The following EML1 variants were observed in gnomAD, a reference collection of about 807,000 sequenced individuals.
The protein encoded by EML1 is EMAP like 1, also known as echinoderm microtubule-associated protein-like 1.
In EML1, 27 loss-of-function variants were observed where a neutral mutation model predicts 110.4. The observed-to-expected ratio is 0.24, with a 90% CI of 0.18 to 0.34. The LOEUF (loss-of-function observed/expected upper bound fraction) is 0.34. Among genes scored for constraint, EML1 ranks in the 10% least tolerant of loss-of-function variants. The pLI is 1.00. For missense variants in EML1, 741 were observed against 1,030.9 expected (o/e 0.72, Z 3.85); for synonymous variants, 344 against 385.8 (o/e 0.89, Z 1.27).
chr14:99,896,160 G>GA (rs963614369), intron 6 of EML1, among the ~76,000 whole-genome samples: 11 of 150,310 alleles, frequency 7.3e-5, no homozygotes, highest in Non-Finnish European at 1.0e-4. Context: ...GATTTTAAGG[G>GA]AAAAAAAAAA....
chr14:99,911,730 G>A, intron 13 of EML1, 154 bp downstream of exon 13: 2 of 829,226 alleles, frequency 2.4e-6, no homozygotes, highest in Non-Finnish European at 3.6e-6. Context: ...TCCTGAGGCA[G>A]GTTAAATATA....
chr14:99,880,569 T>C (rs1429649707), intron 4 of EML1, among the ~76,000 whole-genome samples: 3 of 152,160 alleles, frequency 2.0e-5, no homozygotes, highest in Non-Finnish European at 4.4e-5. Context: ...CATTACTGCG[T>C]TCAGTGGACT....
chr14:99,928,073 G>A (rs796179100), intron 17 of EML1, among the ~76,000 whole-genome samples: 1 of 4,380 alleles, frequency 2.3e-4, no homozygotes, highest in South Asian at 0.029. Flanking sequence ...TGGTGGTGGT[G>A]GTGGTGGTGA....
intron 1 of EML1, among the ~76,000 whole-genome samples, chr14:99,777,427 G>A (rs1484561280): frequency 6.6e-6 from 1 of 151,706 alleles, no homozygotes; most frequent in Non-Finnish European, 1.5e-5. Flanking sequence ...GTTTCTTTTT[G>A]TTTGTTTGTT....
intron 3 of EML1, 69 bp downstream of exon 3, chr14:99,865,715 A>C: frequency 6.5e-7 from 1 of 1,528,218 alleles, no homozygotes. Flanking sequence ...CATGAGTATT[A>C]CTTTTTAAAA....
intron 17 of EML1, among the ~76,000 whole-genome samples, chr14:99,923,531 C>A (rs2060166463): frequency 1.9e-5 from 1 of 52,010 alleles, no homozygotes; most frequent in Non-Finnish European, 3.0e-5. Context: ...TTGTCCCAAG[C>A]ACTTTTTGTT....
intron 1 of EML1, among the ~76,000 whole-genome samples, chr14:99,819,909 T>G (rs1215249818): frequency 6.6e-6 from 1 of 152,200 alleles, no homozygotes; most frequent in East Asian, 1.9e-4. Flanking sequence ...ACTTTTAAAA[T>G]CAAGAGGAAT....
rs115808577 is a variant in EML1, at chr14:99,753,755, T to C, written c.28+15895T>C. Among the ~76,000 whole-genome samples, 985 of 152,318 alleles carry C rather than the reference T, an allele frequency of 6.5e-3. 12 individuals are homozygous for C. The highest frequency in any genetic ancestry group is 0.023 in the African/African-American group (940 of 41,568). On this transcript the variant is annotated intron_variant, in intron 1 of 10. Coordinates refer to the EML1 transcript ENST00000554479. The stretch of plus-strand genomic sequence containing the variant: ...TTGCTATTTCTCTGTTGCTGCTTGT[T>C]GCCATTCTTCCTTTAGAAAGTGCTT...
intron 2 of EML1, among the ~76,000 whole-genome samples, chr14:99,852,804 A>G (rs754959262): frequency 2.6e-5 from 4 of 152,178 alleles, no homozygotes; most frequent in Non-Finnish European, 5.9e-5. Flanking sequence ...CCCAGATGTT[A>G]TCACCAGCTT....
chr14:99,816,959 C>G (rs1191342711), intron 1 of EML1, among the ~76,000 whole-genome samples: 1 of 152,208 alleles, frequency 6.6e-6, no homozygotes, highest in Admixed American at 6.5e-5. Flanking sequence ...TGCAGACCTT[C>G]CAAATGTGAC....
chr14:99,791,299 CCTT>C (rs2057667719), upstream of EML1, among the ~76,000 whole-genome samples: 1 of 152,228 alleles, frequency 6.6e-6, no homozygotes, highest in South Asian at 2.1e-4. Context: ...GCCTCATCCT[CCTT>C]GACTCTTCCT....
chr14:99,896,108 A>G lies in EML1; in HGVS notation c.678-1037A>G, dbSNP rs1026068780. ...TTGATTATTTTTCCATTTTCTTATT[A>G]CTTTAGAGGAATCCTGCAGAGACCA... On this transcript the variant is annotated intron_variant, in intron 6 of 21. Coordinates refer to ENST00000262233, the MANE Select transcript of EML1 (RefSeq NM_004434.3). Among the ~76,000 whole-genome samples, 7 of 152,270 alleles carry G rather than the reference A, an allele frequency of 4.6e-5. No individual in the cohort carries two copies. In the East Asian group the frequency reaches 7.7e-4, roughly 17 times the overall value.
At chr14:99,840,111 G>A (rs138531962) in intron 1 of EML1, among the ~76,000 whole-genome samples, 308 of 152,310 alleles carry the variant, frequency 2.0e-3, no homozygotes, top group African/African-American at 7.0e-3. Flanking sequence ...CGTGAACAAC[G>A]TATAATATGG....
intron 3 of EML1, among the ~76,000 whole-genome samples, chr14:99,877,284 A>G (rs1432394187): frequency 6.6e-6 from 1 of 151,982 alleles, no homozygotes; most frequent in Non-Finnish European, 1.5e-5. Flanking sequence ...TCACCTCCCA[A>G]AGGCCCCACC....
chr14:99,783,977 T>C (rs1281510001), intron 1 of EML1, among the ~76,000 whole-genome samples: 1 of 152,246 alleles, frequency 6.6e-6, no homozygotes, highest in Non-Finnish European at 1.5e-5. Flanking sequence ...ATCCTGTTGA[T>C]TGGTGGAGAT....
chr14:99,860,802 C>T (rs2058990874), intron 2 of EML1, among the ~76,000 whole-genome samples: 1 of 152,010 alleles, frequency 6.6e-6, no homozygotes. Flanking sequence ...TGTCCCCCTC[C>T]CCCTTCCCAT....
intron 17 of EML1, among the ~76,000 whole-genome samples, chr14:99,935,737 C>G (rs1351462196): frequency 6.9e-6 from 1 of 144,562 alleles, no homozygotes; most frequent in South Asian, 2.2e-4. Flanking sequence ...GAGTCGAGAT[C>G]GCACCACTGC....
At chr14:99,916,612 A>G (rs1035594419) in intron 15 of EML1, among the ~76,000 whole-genome samples, 1 of 152,158 alleles carries the variant, frequency 6.6e-6, no homozygotes, top group Non-Finnish European at 1.5e-5. Flanking sequence ...AAGTGTTCTT[A>G]TTTCCTAGTG....
At chr14:99,883,960 A>G (rs111411478) in intron 4 of EML1, among the ~76,000 whole-genome samples, 3,210 of 152,346 alleles carry the variant, frequency 0.021, 105 homozygotes, top group African/African-American at 0.071. Flanking sequence ...TAACAAAAGA[A>G]GGTTAAAATG....
Sources: allele counts gnomAD v4.1 joint callset (sites outside exome capture counted in the v4.1 genomes callset), GRCh38; gene constraint gnomAD v4.1.1; transcripts MANE v1.5; gene names NCBI Gene and HGNC (gene_info 2026-07-23, HGNC 2026-07-21).